Variants in ZNF708 observed in about 807,000 individuals in gnomAD.
ZNF708 encodes the protein zinc finger protein 708, also known as ZNF15, ZNF15L1.
Under a neutral mutation model 47.0 loss-of-function variants are expected in ZNF708, and 44 were observed. That is an observed-to-expected ratio of 0.94 (90% CI 0.74 to 1.20). The LOEUF is 1.20. ZNF708 is among the 50% of genes most tolerant of loss of function. The pLI is 0.00. For missense variants in ZNF708, 557 were observed against 656.0 expected, an observed-to-expected ratio of 0.85 and a Z score of 1.65; for synonymous variants, 184 against 218.5, an observed-to-expected ratio of 0.84 and a Z score of 1.39.
chr19:21,300,533 A>G (rs1045688321), intron 3 of ZNF708, among the ~76,000 whole-genome samples: 1 of 52,190 alleles, frequency 1.9e-5, no homozygotes, highest in African/African-American at 9.0e-5. Context: ...AAACAGGGAT[A>G]ATATTTACAC....
intron 1 of ZNF708, among the ~76,000 whole-genome samples, chr19:21,315,492 C>T (rs1314494205): frequency 6.6e-6 from 1 of 152,096 alleles, no homozygotes; most frequent in Non-Finnish European, 1.5e-5. Flanking sequence ...CTGGCACGTT[C>T]CAAATGATGT....
In ZNF708 at chr19:21,294,014, TA is replaced by T; in HGVS notation, c.951del (p.Phe317LeufsTer40). ...TGTGTAGTAAGGTGTGAAGATAGGG[TA>T]AAGGCTTTGCCACATTCTCCACATT... ...PYKCGECGKA[F>X]TLSSHLTTHK... On this transcript the variant is annotated frameshift_variant, in exon 4 of 4. Coordinates refer to ENST00000356929, the MANE Select transcript of ZNF708 (RefSeq NM_021269.3). LOFTEE classifies it high-confidence loss of function. 6.2e-7 allele frequency: 1 copy of T among 1,613,178 alleles called. No individual in the cohort carries two copies. The highest frequency in any genetic ancestry group is 8.5e-7 in the Non-Finnish European group (1 of 1,179,424).
At chr19:21,296,921 T>A (rs1189228666) in intron 3 of ZNF708, among the ~76,000 whole-genome samples, 3 of 151,778 alleles carry the variant, frequency 2.0e-5, no homozygotes, top group African/African-American at 7.3e-5. Context: ...TCACCTGACG[T>A]CAGGAGTTCA....
chr19:21,300,102 G>A (rs978990335), intron 3 of ZNF708, among the ~76,000 whole-genome samples: 3 of 151,636 alleles, frequency 2.0e-5, no homozygotes, highest in East Asian at 2.0e-4. Context: ...TCAGGAGTTC[G>A]AGACCAGCCT....
At chr19:21,327,472 C>G (rs906867724) in intron 1 of ZNF708, among the ~76,000 whole-genome samples, 1 of 148,870 alleles carries the variant, frequency 6.7e-6, no homozygotes, top group African/African-American at 2.5e-5. Context: ...GCGGAGGTTG[C>G]GGTGACCCGA....
Position 21,293,768 on chromosome 19 carries a change from C to T in ZNF708, c.1198G>A (p.Ala400Thr). 1 of 1,612,582 alleles carries T rather than the reference C, an allele frequency of 6.2e-7. No homozygotes were observed. The highest frequency in any genetic ancestry group is 8.5e-7 in the Non-Finnish European group (1 of 1,179,696). Reference protein sequence around the residue: ...KPYKCEECGKAFTKSSTLTYH... With the variant: ...KPYKCEECGKTFTKSSTLTYH... Reference sequence around the variant, plus strand: ...GTAAGAGTTGAGGACTTGGTAAAGGCTTTACCACATTCTTCACATTTGTAG... The same window carrying T: ...GTAAGAGTTGAGGACTTGGTAAAGGTTTTACCACATTCTTCACATTTGTAG... The change falls in exon 4 of 4, where the codon GCC becomes ACC. Residue 400 changes from alanine (A) to threonine (T), a missense_variant. Ala to Thr is a moderately conservative substitution (Grantham distance 58, BLOSUM62 0). Coordinates refer to ENST00000356929, the MANE Select transcript of ZNF708 (RefSeq NM_021269.3).
intron 2 of ZNF708, among the ~76,000 whole-genome samples, chr19:21,309,960 A>G (rs1386968264): frequency 6.6e-6 from 1 of 152,244 alleles, no homozygotes. Flanking sequence ...CCACTAATCT[A>G]GAGTGAAGGA....
chr19:21,328,142 C>T (rs1404654084), intron 1 of ZNF708: 6 of 275,286 alleles, frequency 2.2e-5, no homozygotes, highest in Non-Finnish European at 1.1e-5. Context: ...AAACCTTCAC[C>T]TGAAAACAAA....
chr19:21,328,488 C>T (rs544633751), intron 1 of ZNF708, among the ~76,000 whole-genome samples: 1 of 152,160 alleles, frequency 6.6e-6, no homozygotes, highest in African/African-American at 2.4e-5. Context: ...AGGAATGGGG[C>T]TGGGAGGTAC....
Position 21,294,146 on chromosome 19 carries a change from G to A in ZNF708, c.820C>T (p.His274Tyr). The change falls in exon 4 of 4, where the codon CAT becomes TAT. Residue 274 changes from histidine to tyrosine, a missense_variant. Physicochemically the swap from His to Tyr is moderately conservative, Grantham distance 83. Transcript: ENST00000356929. ...SSNLTKHKIV[H>Y]TGEKPYKCEE... ...CATTTGTAGGGTTTCTCTCCAGTAT[G>A]AACTATCTTATGTTTAGTAAGGTTT... The A allele has an allele frequency of 2.5e-6, 4 of 1,612,366 alleles. No individual in the cohort carries two copies. Among genetic ancestry groups the A allele is most frequent in the Non-Finnish European group, 3.4e-6 (4 of 1,179,574 alleles).
chr19:21,291,414 A>T lies in ZNF708; in HGVS notation c.*1860T>A, dbSNP rs1599662560. ...AAAAGGTCATAAATAATGCCCACCTAAAAAAAAAGAAACTCTCCTATCTTT... is the reference window on the plus strand; with the variant it reads ...AAAAGGTCATAAATAATGCCCACCTTAAAAAAAAGAAACTCTCCTATCTTT... On this transcript the variant is annotated 3_prime_UTR_variant, in exon 4 of 4. Coordinates refer to ENST00000356929, the MANE Select transcript of ZNF708 (RefSeq NM_021269.3). 1 of 151,078 alleles carries T rather than the reference A, an allele frequency of 6.6e-6. No homozygotes were observed. The highest frequency in any genetic ancestry group is 1.5e-5 in the Non-Finnish European group (1 of 67,708). The allele number at this position is 151,078 out of a possible 1,614,324, so 9.4% of individuals were successfully genotyped here.
At chr19:21,322,895 C>G (rs914227169) in intron 1 of ZNF708, among the ~76,000 whole-genome samples, 1 of 152,218 alleles carries the variant, frequency 6.6e-6, no homozygotes, top group Non-Finnish European at 1.5e-5. Flanking sequence ...ACGGCAGATG[C>G]CAGGCACAAA....
At position 21,329,198 on chromosome 19, in the gene ZNF708, C is replaced by T; in HGVS notation, c.3+12G>A. 1 of 1,612,146 alleles carries T rather than the reference C, an allele frequency of 6.2e-7. No homozygotes were observed. Among genetic ancestry groups the T allele is most frequent in the Non-Finnish European group, 8.5e-7 (1 of 1,178,608 alleles). Reference sequence around the variant, plus strand: ...CCTTCCCCTCTCTCGGGATGTCGGACGGCACTCTCACCATTTCTAGGCTTC... The same window carrying T: ...CCTTCCCCTCTCTCGGGATGTCGGATGGCACTCTCACCATTTCTAGGCTTC... On this transcript the variant is annotated intron_variant, in intron 1 of 3. Coordinates refer to ENST00000356929, the MANE Select transcript of ZNF708 (RefSeq NM_021269.3).
chr19:21,294,007 G>T lies in ZNF708; in HGVS notation c.959C>A (p.Ser320Tyr). Residue 320 changes from serine (S) to tyrosine (Y), a missense_variant, in exon 4 of 4, where the codon TCT becomes TAT. Coordinates refer to ENST00000356929, the MANE Select transcript of ZNF708 (RefSeq NM_021269.3). ...CGECGKAFTLSSHLTTHKRIH... is the reference protein window; with the variant it reads ...CGECGKAFTLYSHLTTHKRIH... ...CCTCTTATGTGTAGTAAGGTGTGAA[G>T]ATAGGGTAAAGGCTTTGCCACATTC... is the stretch of plus-strand genomic sequence containing the variant. The T allele has an allele frequency of 6.2e-7, 1 of 1,612,762 alleles. No homozygotes were observed. The highest frequency in any genetic ancestry group is 8.5e-7 in the Non-Finnish European group (1 of 1,179,334).
At chr19:21,297,268 ATATTTTTTT>A (rs1972553125) in intron 3 of ZNF708, among the ~76,000 whole-genome samples, 1 of 15,348 alleles carries the variant, frequency 6.5e-5, no homozygotes, top group Non-Finnish European at 1.4e-4. Context: ...ATATATATAT[ATATTTTTTT>A]TTTTTTTTTT....
chr19:21,308,841 TAAA>T (rs951326835), intron 3 of ZNF708, among the ~76,000 whole-genome samples: 5 of 151,196 alleles, frequency 3.3e-5, no homozygotes, highest in Non-Finnish European at 5.9e-5. Context: ...TGCAGAAAAA[TAAA>T]AAAAACAATG....
intron 3 of ZNF708, among the ~76,000 whole-genome samples, chr19:21,299,054 T>G (rs1972601192): frequency 6.6e-6 from 1 of 152,216 alleles, no homozygotes; most frequent in Non-Finnish European, 1.5e-5. Flanking sequence ...AATTGGTAGT[T>G]GTTTAATGTA....
In ZNF708 at chr19:21,294,208, T is replaced by G; in HGVS notation, c.758A>C (p.Lys253Thr). ...KIIHTGEKLY[K>T]CEECGKAFNR... Reference sequence around the variant, plus strand: ...AAAAGCTTTGCCACATTCTTCACATTTGTAGAGTTTCTCTCCAGTATGAAT... The same window carrying G: ...AAAAGCTTTGCCACATTCTTCACATGTGTAGAGTTTCTCTCCAGTATGAAT... The change falls in exon 4 of 4, where the codon AAA becomes ACA. Residue 253 changes from lysine to threonine, a missense_variant. Transcript: ENST00000356929. 1 of 1,612,868 alleles carries G rather than the reference T, an allele frequency of 6.2e-7. No homozygotes were observed. The highest frequency in any genetic ancestry group is 8.5e-7 in the Non-Finnish European group (1 of 1,179,912).
At chr19:21,303,235 G>C (rs1279023596) in intron 3 of ZNF708, among the ~76,000 whole-genome samples, 1 of 152,160 alleles carries the variant, frequency 6.6e-6, no homozygotes. Context: ...CTGATTGACA[G>C]AGTGAAACCC....
Sources: gnomAD v4.1 joint callset for allele counts (sites outside exome capture counted in the v4.1 genomes callset) on GRCh38, gnomAD v4.1.1 for gene constraint, MANE v1.5 for transcripts, NCBI Gene and HGNC (gene_info 2026-07-23, HGNC 2026-07-21) for gene names.